The following ASTN1 variants were observed in gnomAD, a reference collection of about 807,000 sequenced individuals.
The protein encoded by ASTN1 is astrotactin 1, also known as astrotactin-1.
A neutral mutation model predicts 140.7 loss-of-function variants in ASTN1; 41 were observed. That is an observed-to-expected ratio of 0.29 (90% confidence interval 0.23 to 0.38). ASTN1 has a LOEUF of 0.38. Ranked by LOEUF, ASTN1 falls within the 10% of genes least tolerant of loss-of-function variation. The pLI, the probability that ASTN1 is intolerant of heterozygous loss-of-function variation, is 1.00. For synonymous variants in ASTN1, 640 were observed against 652.2 expected (o/e 0.98, Z 0.29); for missense variants, 1,479 against 1,678.8 (o/e 0.88, Z 2.08).
At chr1:177,062,860 G>A (rs570701776) in intron 1 of ASTN1, among the ~76,000 whole-genome samples, 1 of 152,288 alleles carries the variant, frequency 6.6e-6, no homozygotes, top group South Asian at 2.1e-4. Context: ...TAATCTAAAC[G>A]AGATCCTCAA....
At chr1:176,881,367 T>A (rs1460638266) in intron 20 of ASTN1, among the ~76,000 whole-genome samples, 1 of 152,176 alleles carries the variant, frequency 6.6e-6, no homozygotes, top group East Asian at 1.9e-4. Flanking sequence ...CAGGCCAACA[T>A]GAGGAGGGTC....
In ASTN1 at chr1:176,862,592, T is replaced by C; in HGVS notation, c.*1692A>G. The stretch of plus-strand genomic sequence containing the variant: ...GGGTATCCCAGAGTAGCTAAGATCC[T>C]GTGCCCTGGAGACCAACAGCCTGAA... On this transcript the variant is annotated 3_prime_UTR_variant, in exon 23 of 23. Coordinates refer to ENST00000361833, the MANE Select transcript of ASTN1 (RefSeq NM_004319.3). The C allele has an allele frequency of 1.0e-6, 1 of 984,782 alleles. No homozygotes were observed. The highest frequency in any genetic ancestry group is 1.2e-6 in the Non-Finnish European group (1 of 829,388). The allele number at this position is 984,782 out of a possible 1,614,324, so 61.0% of individuals were successfully genotyped here.
At chr1:177,020,318 A>C (rs1036177944) in intron 7 of ASTN1, among the ~76,000 whole-genome samples, 2 of 152,196 alleles carry the variant, frequency 1.3e-5, no homozygotes, top group African/African-American at 4.8e-5. Context: ...CACTGGGCTA[A>C]AATCAAGGCG....
chr1:177,003,311 T>A (rs1210764759), intron 8 of ASTN1, among the ~76,000 whole-genome samples: 2 of 149,856 alleles, frequency 1.3e-5, no homozygotes, highest in African/African-American at 4.9e-5. Context: ...ATGAGTTTCA[T>A]CCTAGGGATG....
rs115181294 is a variant in ASTN1 at position 177,040,873 on chromosome 1, G to A, written c.472-8024C>T. Among the ~76,000 whole-genome samples, 445 of 152,290 alleles carry A rather than the reference G, an allele frequency of 2.9e-3. 4 individuals are homozygous for A. The highest frequency in any genetic ancestry group is 0.01 in the African/African-American group (419 of 41,548). On this transcript the variant is annotated intron_variant, in intron 2 of 22. Transcript: ENST00000361833. Reference sequence around the variant, plus strand: ...AGTGGTTGGAGGCTAGTGTGCTGGAGTCAGCCTGGGCTATTTCAAGTTGTA... The same window carrying A: ...AGTGGTTGGAGGCTAGTGTGCTGGAATCAGCCTGGGCTATTTCAAGTTGTA...
At position 176,965,166 on chromosome 1, in the gene ASTN1, A is replaced by C; in HGVS notation, c.1595T>G (p.Phe532Cys). 6.2e-7 allele frequency: 1 copy of C among 1,613,798 alleles called. No individual in the cohort carries two copies. Among genetic ancestry groups the C allele is most frequent in the Non-Finnish European group, 8.5e-7 (1 of 1,179,756 alleles). Residue 532 changes from phenylalanine (F) to cysteine (C), a missense_variant, in exon 9 of 23, where the codon TTT (phenylalanine) becomes TGT (cysteine). By Grantham distance (205) the Phe-to-Cys change is radical. This residue lies in a region of ASTN1 where 729 missense variants were observed against 860.4 expected (regional missense o/e 0.85). Transcript: ENST00000361833. ...AAGTCCCTAGACAATCACTTACCTA[A>C]ATATTTTATCAGAGGGCTGCTCTCC... ...VLGEQPSDKI[F>C]RFTYTLGEGM...
Position 176,915,217 on chromosome 1 carries a change from C to A in ASTN1, c.2671+18935G>T, listed in dbSNP as rs111497930. Among the ~76,000 whole-genome samples, 438 of 152,238 alleles carry A rather than the reference C, an allele frequency of 2.9e-3. 1 individual carries two copies. Among genetic ancestry groups the A allele is most frequent in the African/African-American group, 9.8e-3 (405 of 41,522 alleles). ...GCTACCGAGCCCACTTTGGGAAATACCCTAATAGTTACATTACTGAGGACC... is the reference window on the plus strand; with the variant it reads ...GCTACCGAGCCCACTTTGGGAAATAACCTAATAGTTACATTACTGAGGACC... On this transcript the variant is annotated intron_variant, in intron 16 of 22. Coordinates refer to ENST00000361833, the MANE Select transcript of ASTN1 (RefSeq NM_004319.3).
chr1:176,887,509 T>G (rs1274465232), intron 18 of ASTN1, among the ~76,000 whole-genome samples: 1 of 152,240 alleles, frequency 6.6e-6, no homozygotes, highest in Non-Finnish European at 1.5e-5. Flanking sequence ...CTCCGTACTA[T>G]AATGGCCAAG....
chr1:176,991,789 A>G (rs1377269772), intron 8 of ASTN1, among the ~76,000 whole-genome samples: 3 of 152,214 alleles, frequency 2.0e-5, no homozygotes, highest in African/African-American at 7.2e-5. Flanking sequence ...TTAACCATGT[A>G]GTCATTCATT....
At chr1:176,968,445 T>C (rs1472992928) in intron 8 of ASTN1, among the ~76,000 whole-genome samples, 4 of 152,128 alleles carry the variant, frequency 2.6e-5, no homozygotes, top group African/African-American at 7.2e-5. Flanking sequence ...AACATGAGTA[T>C]GGAAAGGCCA....
At chr1:176,864,690 CAAG>C (rs78225550) in intron 22 of ASTN1, among the ~76,000 whole-genome samples, 169 bp from the exon 23 acceptor site, 9,116 of 152,184 alleles carry the variant, frequency 0.06, 353 homozygotes, top group Non-Finnish European at 0.087. Flanking sequence ...AAATATCTGT[CAAG>C]CAAATGAATG....
chr1:177,024,126 A>G (rs1675977853), intron 6 of ASTN1, among the ~76,000 whole-genome samples: 1 of 152,236 alleles, frequency 6.6e-6, no homozygotes, highest in Admixed American at 6.5e-5. Flanking sequence ...CCCCTGGATG[A>G]AAGTAAATTA....
chr1:177,008,420 G>A (rs1243856123), intron 8 of ASTN1, among the ~76,000 whole-genome samples: 1 of 149,150 alleles, frequency 6.7e-6, no homozygotes. Flanking sequence ...GAGGAAGGGG[G>A]GGTGGAGAGG....
intron 17 of ASTN1, 40 bp downstream of exon 17, chr1:176,894,522 G>T: frequency 6.2e-7 from 1 of 1,601,746 alleles, no homozygotes; most frequent in Admixed American, 1.7e-5. Flanking sequence ...CTTCTGTTGT[G>T]GTTGACGCCT....
At chr1:176,977,227 A>G (rs920220825) in intron 8 of ASTN1, among the ~76,000 whole-genome samples, 11 of 152,238 alleles carry the variant, frequency 7.2e-5, no homozygotes, top group African/African-American at 2.7e-4. Flanking sequence ...GTCTTTTTCT[A>G]TCTACTAATC....
rs1051447887 is a variant in ASTN1, at chr1:176,864,191, C to G, written c.*93G>C. 4.6e-6 allele frequency: 7 copies of G among 1,517,446 alleles called. No individual in the cohort carries two copies. In the Admixed American group the frequency reaches 1.5e-4, roughly 32 times the overall value. 94.0% of individuals were successfully genotyped at this position (1,517,446 alleles called of 1,614,324 possible). A position where few individuals can be genotyped will look rare whatever the true frequency, so the allele number is the denominator to read the frequency against. ...ATGTTGCTGTGGAGGTTTTCATGTTCCATTAAAAAATATTAAAAATCCACA... is the reference window on the plus strand; with the variant it reads ...ATGTTGCTGTGGAGGTTTTCATGTTGCATTAAAAAATATTAAAAATCCACA... On this transcript the variant is annotated 3_prime_UTR_variant, in exon 23 of 23. Transcript: ENST00000361833.
chr1:176,947,811 A>T (rs1672019230), intron 12 of ASTN1, among the ~76,000 whole-genome samples: 1 of 152,198 alleles, frequency 6.6e-6, no homozygotes, highest in Non-Finnish European at 1.5e-5. Context: ...GAGGGGAAAG[A>T]TCAGGTCGGG....
intron 2 of ASTN1, among the ~76,000 whole-genome samples, chr1:177,060,350 T>C (rs952319117): frequency 2.6e-5 from 4 of 152,152 alleles, no homozygotes; most frequent in African/African-American, 9.7e-5. Flanking sequence ...GAAAGCCAGT[T>C]TACTGGCTTC....
intron 1 of ASTN1, among the ~76,000 whole-genome samples, chr1:177,106,986 T>C (rs1034682106): frequency 1.3e-5 from 2 of 152,170 alleles, no homozygotes; most frequent in African/African-American, 4.8e-5. Flanking sequence ...AAATAGCAGA[T>C]GGCAGGCCAT....
Sources: allele counts gnomAD v4.1 joint callset (sites outside exome capture counted in the v4.1 genomes callset), GRCh38; gene constraint gnomAD v4.1.1; regional missense constraint gnomAD v4.1.1; transcripts MANE v1.5; gene names NCBI Gene and HGNC (gene_info 2026-07-23, HGNC 2026-07-21).